The following GRIK1 variants were observed in gnomAD, a reference collection of about 807,000 sequenced individuals.
GRIK1 encodes glutamate ionotropic receptor kainate type subunit 1.
In GRIK1, 69 loss-of-function variants were observed where a neutral mutation model predicts 105.7. That is an observed-to-expected ratio of 0.65 (90% CI 0.54 to 0.80). The LOEUF is 0.80. Ranked by LOEUF, GRIK1 falls within the 30% of genes least tolerant of loss-of-function variation. The pLI is 0.00. For missense variants in GRIK1, 1,109 were observed against 1,167.3 expected (o/e 0.95, Z 0.73); for synonymous variants, 438 against 431.3 (o/e 1.02, Z -0.19).
At position 29,618,291 on chromosome 21, in the gene GRIK1, A is replaced by G. The variant is rs375857874; in HGVS notation, c.1099-19354T>C. ...AGGGCATTCGGGCTTCATGAATGCA[A>G]ATCCAAACCACAATGCGATACCACC... On this transcript the variant is annotated intron_variant, in intron 7 of 17. Coordinates refer to ENST00000327783, the MANE Select transcript of GRIK1 (RefSeq NM_001330994.2). Among the ~76,000 whole-genome samples the G allele has an allele frequency of 1.1e-4, 16 of 152,328 alleles. No homozygotes were observed. The South Asian group carries it at 3.3e-3, about 32-fold the overall frequency.
chr21:29,812,234 A>T (rs1368755342), intron 1 of GRIK1, among the ~76,000 whole-genome samples: 1 of 152,184 alleles, frequency 6.6e-6, no homozygotes, highest in Admixed American at 6.5e-5. Context: ...CACCAGGCAC[A>T]TAATAGAGTT....
intron 1 of GRIK1, among the ~76,000 whole-genome samples, chr21:29,787,707 A>G (rs555481833): frequency 2.6e-5 from 4 of 152,374 alleles, no homozygotes; most frequent in Admixed American, 6.5e-5. Context: ...TTTAGCCTAT[A>G]GACGCACCAC....
At chr21:29,923,690 T>A (rs2071262553) in intron 1 of GRIK1, among the ~76,000 whole-genome samples, 1 of 152,202 alleles carries the variant, frequency 6.6e-6, no homozygotes, top group African/African-American at 2.4e-5. Context: ...GGTAGTACTC[T>A]AAAATATGGA....
At chr21:29,592,362 C>T (rs768940593) in intron 9 of GRIK1, among the ~76,000 whole-genome samples, 6 of 152,152 alleles carry the variant, frequency 3.9e-5, no homozygotes, top group South Asian at 2.1e-4. Flanking sequence ...CAGTAAAGCC[C>T]ATTACTCTTT....
At chr21:29,849,807 T>C (rs912077024) in intron 1 of GRIK1, among the ~76,000 whole-genome samples, 3 of 152,222 alleles carry the variant, frequency 2.0e-5, no homozygotes, top group African/African-American at 7.2e-5. Context: ...CCCAGGATTC[T>C]GCAGGTGTTA....
chr21:29,656,429 T>C (rs541316752), intron 4 of GRIK1, among the ~76,000 whole-genome samples: 8 of 137,342 alleles, frequency 5.8e-5, no homozygotes, highest in Non-Finnish European at 1.2e-4. Context: ...ATTTCCAAGG[T>C]AGTTTTCCGC....
intron 1 of GRIK1, among the ~76,000 whole-genome samples, chr21:29,907,074 A>G (rs2146281675): frequency 6.6e-6 from 1 of 151,786 alleles, no homozygotes; most frequent in African/African-American, 2.4e-5. Context: ...CAAAGCACAC[A>G]GCATGCACCT....
intron 1 of GRIK1, among the ~76,000 whole-genome samples, chr21:29,792,090 G>C (rs2066433729): frequency 6.6e-6 from 1 of 152,024 alleles, no homozygotes; most frequent in Admixed American, 6.6e-5. Context: ...ATTGGAAACT[G>C]ACTGTTATGT....
intron 1 of GRIK1, among the ~76,000 whole-genome samples, chr21:29,737,823 G>A (rs1351989546): frequency 6.6e-6 from 1 of 152,178 alleles, no homozygotes; most frequent in African/African-American, 2.4e-5. Context: ...AAATATTCCT[G>A]TCAGATGCGA....
chr21:29,881,497 C>G (rs464576), intron 1 of GRIK1, among the ~76,000 whole-genome samples: 21,555 of 152,050 alleles, frequency 0.14, 1,794 homozygotes, highest in East Asian at 0.34. Context: ...TTATTCCATG[C>G]AAGGGTCAGA....
intron 14 of GRIK1, among the ~76,000 whole-genome samples, chr21:29,563,885 G>A (rs535552769): frequency 1.6e-4 from 24 of 152,224 alleles, no homozygotes; most frequent in African/African-American, 5.8e-4. Context: ...AGCTAATTCT[G>A]GACTCCAGCA....
chr21:29,642,601 T>C (rs1040472155), intron 7 of GRIK1, among the ~76,000 whole-genome samples: 1 of 152,178 alleles, frequency 6.6e-6, no homozygotes, highest in Non-Finnish European at 1.5e-5. Flanking sequence ...AGAGTAAGTG[T>C]TGGTATCTGG....
chr21:29,732,236 C>A (rs1413240373), intron 1 of GRIK1, among the ~76,000 whole-genome samples: 2 of 152,084 alleles, frequency 1.3e-5, no homozygotes, highest in African/African-American at 2.4e-5. Context: ...AGAATCCAGG[C>A]TTTGGGGGAT....
At chr21:29,898,350 T>C (rs957817724) in intron 1 of GRIK1, among the ~76,000 whole-genome samples, 1 of 152,154 alleles carries the variant, frequency 6.6e-6, no homozygotes, top group Non-Finnish European at 1.5e-5. Context: ...CCTAACATTG[T>C]GGGTGAGGAA....
chr21:29,595,643 G>T (rs1490137998), intron 9 of GRIK1, among the ~76,000 whole-genome samples: 1 of 151,976 alleles, frequency 6.6e-6, no homozygotes, highest in Non-Finnish European at 1.5e-5. Flanking sequence ...TGTTCAAGTT[G>T]AACAACCTGA....
Position 29,560,791 on chromosome 21 carries a change from G to A in GRIK1, c.2356+833C>T, listed in dbSNP as rs182742144. Among the ~76,000 whole-genome samples the A allele has an allele frequency of 1.8e-3, 278 of 151,582 alleles. 1 individual carries two copies. The highest frequency in any genetic ancestry group is 0.016 in the Admixed American group (247 of 15,204). ...TAATTTTTGTATTTTTAGTAGAGAC[G>A]GGGTTTCACCATGTTGGCCAGGATA... On this transcript the variant is annotated intron_variant, in intron 15 of 17. Coordinates refer to ENST00000327783, the MANE Select transcript of GRIK1 (RefSeq NM_001330994.2).
At chr21:29,902,530 A>C (rs1386668870) in intron 1 of GRIK1, among the ~76,000 whole-genome samples, 1 of 152,176 alleles carries the variant, frequency 6.6e-6, no homozygotes, top group Non-Finnish European at 1.5e-5. Context: ...TCATGAGTGA[A>C]CTCTCATTCA....
At chr21:29,551,235 G>A (rs931017827) in intron 16 of GRIK1, among the ~76,000 whole-genome samples, 3 of 152,194 alleles carry the variant, frequency 2.0e-5, no homozygotes, top group Admixed American at 1.3e-4. Flanking sequence ...TTAGAGTGAC[G>A]CTCTATGGGT....
rs139619366 is a variant in GRIK1 at position 29,731,017 on chromosome 21, C to A, written c.119-36954G>T. On this transcript the variant is annotated intron_variant, in intron 1 of 17. Transcript: ENST00000327783. ...AATGCATTCTTTTTCTCATTACTAG[C>A]TGAAGAAAAATGGGTTCCCCTTAAA... is the stretch of plus-strand genomic sequence containing the variant. Among the ~76,000 whole-genome samples, 94 of 152,158 alleles carry A rather than the reference C, an allele frequency of 6.2e-4. 2 individuals carry two copies. In the East Asian group the frequency reaches 0.012, roughly 20 times the overall value.
Sources: gnomAD v4.1 joint callset for allele counts (sites outside exome capture counted in the v4.1 genomes callset) on GRCh38, gnomAD v4.1.1 for gene constraint, MANE v1.5 for transcripts, NCBI Gene and HGNC (gene_info 2026-07-23, HGNC 2026-07-21) for gene names.